Variants in MED12L observed in about 807,000 individuals in gnomAD.
MED12L encodes the protein mediator complex subunit 12L, also known as mediator of RNA polymerase II transcription subunit 12-like protein.
Under a neutral mutation model 281.3 loss-of-function variants are expected in MED12L, and 60 were observed. That is an observed-to-expected ratio of 0.21 (90% CI 0.17 to 0.26). The LOEUF (loss-of-function observed/expected upper bound fraction) is 0.26. Among genes scored for constraint, MED12L ranks in the 10% least tolerant of loss-of-function variants. MED12L has a pLI of 1.00. For missense variants in MED12L, 2,146 were observed against 2,680.9 expected, an observed-to-expected ratio of 0.80 and a Z score of 4.41; for synonymous variants, 974 against 987.2, an observed-to-expected ratio of 0.99 and a Z score of 0.25.
At chr3:151,356,283 T>C (rs1753911958) in intron 19 of MED12L, among the ~76,000 whole-genome samples, 2 of 152,010 alleles carry the variant, frequency 1.3e-5, no homozygotes, top group Non-Finnish European at 2.9e-5. Flanking sequence ...TCCCAGCTAC[T>C]TGGGAGGCTG....
intron 22 of MED12L, among the ~76,000 whole-genome samples, 179 bp from the exon 23 acceptor site, chr3:151,365,671 G>A (rs1037356291): frequency 2.0e-5 from 3 of 152,140 alleles, no homozygotes; most frequent in Non-Finnish European, 2.9e-5. Context: ...AATATTTGAA[G>A]CCATTGTTAT....
intron 2 of MED12L, among the ~76,000 whole-genome samples, chr3:151,089,319 A>G (rs1305909153): frequency 6.6e-6 from 1 of 152,168 alleles, no homozygotes; most frequent in Non-Finnish European, 1.5e-5. Context: ...TCATCTGTGT[A>G]TCGAAAACAA....
At position 151,355,979 on chromosome 3, in the gene MED12L, C is replaced by G. The variant is rs754468023; in HGVS notation, c.2601C>G (p.Leu867=). The part of the protein sequence containing the change: ...YHLPLAHHIQ[L]IFDLMEPALN... ...TCCCTTTGGCTCACCACATTCAGCT[C>G]ATCTTTGATCTCATGGAGCCAGCAC... Residue 867 remains leucine, a synonymous_variant, in exon 19 of 45, where the codon CTC becomes CTG. Coordinates refer to ENST00000687756, the MANE Select transcript of MED12L (RefSeq NM_001393769.1). 1.2e-6 allele frequency: 2 copies of G among 1,614,120 alleles called. No individual in the cohort carries two copies. Among genetic ancestry groups the G allele is most frequent in the East Asian group, 2.2e-5 (1 of 44,886 alleles).
intron 39 of MED12L, among the ~76,000 whole-genome samples, chr3:151,408,162 T>A (rs1162504923): frequency 6.6e-6 from 1 of 152,234 alleles, no homozygotes; most frequent in African/African-American, 2.4e-5. Context: ...GCTTAAGCTC[T>A]TTGAGCCTGG....
intron 27 of MED12L, 53 bp from the exon 28 acceptor site, chr3:151,375,973 A>ATATATATATATATC: frequency 1.1e-6 from 1 of 940,944 alleles, no homozygotes; most frequent in Non-Finnish European, 1.5e-6. Flanking sequence ...CATATTGCAT[A>ATATATATATATATC]TATATATACC....
intron 16 of MED12L, chr3:151,328,653 C>T: frequency 6.2e-7 from 1 of 1,613,844 alleles, no homozygotes. Context: ...GCTATGAGCC[C>T]TAACAGCACG....
Position 151,087,011 on chromosome 3 carries a change from C to G in MED12L, c.85C>G (p.Pro29Ala). 1.2e-6 allele frequency: 2 copies of G among 1,609,546 alleles called. No homozygotes were observed. The highest frequency in any genetic ancestry group is 1.7e-6 in the Non-Finnish European group (2 of 1,178,662). The change falls in exon 2 of 45, where the codon CCC (proline) becomes GCC (alanine). Residue 29 changes from proline (P) to alanine (A), a missense_variant. Coordinates refer to ENST00000687756, the MANE Select transcript of MED12L (RefSeq NM_001393769.1). The part of the protein sequence containing the change: ...LGPPDVYPQD[P>A]KQKEDELTAV... The stretch of plus-strand genomic sequence containing the variant: ...GCCGCCCGACGTCTACCCACAGGAC[C>G]CCAAGCAGAAGGAGGTAAGGGCGCC...
chr3:151,374,972 T>C (rs1756651246), intron 27 of MED12L, among the ~76,000 whole-genome samples: 1 of 152,238 alleles, frequency 6.6e-6, no homozygotes, highest in Admixed American at 6.5e-5. Context: ...TATTTTGTAC[T>C]TTGCTATAGG....
rs530317298 is a variant in MED12L at position 151,114,973 on chromosome 3, C to T, written c.100-1365C>T. ...TCTAGGATTTAGAAGATAGTATTTC[C>T]GTGCTGGCTTTGTCCAATTGCTGCA... On this transcript the variant is annotated intron_variant, in intron 2 of 44. Coordinates refer to ENST00000687756, the MANE Select transcript of MED12L (RefSeq NM_001393769.1). 1.1e-4 allele frequency among the ~76,000 whole-genome samples: 16 copies of T among 152,178 alleles called. 1 individual carries two copies. In the East Asian group the frequency reaches 1.5e-3, roughly 15 times the overall value.
At position 151,355,256 on chromosome 3, in the gene MED12L, G is replaced by A; in HGVS notation, c.2517+17G>A. 6.5e-7 allele frequency: 1 copy of A among 1,539,946 alleles called. No homozygotes were observed. Among genetic ancestry groups the A allele is most frequent in the South Asian group, 1.1e-5 (1 of 87,506 alleles). Reference sequence around the variant, plus strand: ...ACATCTCAGGTAGCTATTTAAAGCTGTTTATTATGCATTTGCAGTATTCTA... The same window carrying A: ...ACATCTCAGGTAGCTATTTAAAGCTATTTATTATGCATTTGCAGTATTCTA... On this transcript the variant is annotated intron_variant, in intron 18 of 44. Coordinates refer to ENST00000687756, the MANE Select transcript of MED12L (RefSeq NM_001393769.1).
intron 11 of MED12L, among the ~76,000 whole-genome samples, chr3:151,183,636 A>G (rs1437473269): frequency 6.6e-6 from 1 of 152,250 alleles, no homozygotes; most frequent in Non-Finnish European, 1.5e-5. Flanking sequence ...AGTAGATCTG[A>G]AGAAATCTGT....
chr3:151,184,428 T>G (rs1178684281), intron 11 of MED12L, among the ~76,000 whole-genome samples: 1 of 152,248 alleles, frequency 6.6e-6, no homozygotes, highest in Non-Finnish European at 1.5e-5. Flanking sequence ...TAGCCTGTAG[T>G]GCTAATGCTG....
chr3:151,105,198 A>T (rs994697097), intron 2 of MED12L, among the ~76,000 whole-genome samples: 1 of 152,026 alleles, frequency 6.6e-6, no homozygotes, highest in Non-Finnish European at 1.5e-5. Context: ...AGGAGCTTGA[A>T]CTTATCTGCC....
chr3:151,124,172 G>T (rs10935826), intron 4 of MED12L, among the ~76,000 whole-genome samples: 33,173 of 152,106 alleles, frequency 0.22, 4,154 homozygotes, highest in African/African-American at 0.35. Context: ...TTCCATTTAG[G>T]TTTTCTTTTT....
intron 16 of MED12L, among the ~76,000 whole-genome samples, chr3:151,270,324 A>T (rs917466904): frequency 6.6e-6 from 1 of 151,332 alleles, no homozygotes. Flanking sequence ...GGGGAAAATA[A>T]CTTGAGCAGA....
At chr3:151,119,435 T>G (rs919015426) in intron 3 of MED12L, among the ~76,000 whole-genome samples, 7 of 152,196 alleles carry the variant, frequency 4.6e-5, no homozygotes, top group African/African-American at 1.7e-4. Flanking sequence ...GACCACCTTC[T>G]CACTGTGTCT....
At chr3:151,287,443 G>A (rs974603398) in intron 16 of MED12L, among the ~76,000 whole-genome samples, 6 of 152,118 alleles carry the variant, frequency 3.9e-5, no homozygotes, top group Non-Finnish European at 5.9e-5. Flanking sequence ...TTGTTAATGG[G>A]AATGAAGAAA....
At chr3:151,260,454 G>A (rs7621113) in intron 16 of MED12L, among the ~76,000 whole-genome samples, 71,172 of 151,868 alleles carry the variant, frequency 0.47, 16,805 homozygotes, top group Middle Eastern at 0.65. Context: ...GGTTTAAGCA[G>A]TCCTCCCATA....
chr3:151,291,163 T>G (rs1488260624), intron 16 of MED12L, among the ~76,000 whole-genome samples: 26 of 140,676 alleles, frequency 1.8e-4, no homozygotes, highest in African/African-American at 5.2e-4. Context: ...TTTTTTTTTT[T>G]TTGTTTTTAT....
Sources: allele counts gnomAD v4.1 joint callset (sites outside exome capture counted in the v4.1 genomes callset), GRCh38; gene constraint gnomAD v4.1.1; transcripts MANE v1.5; gene names NCBI Gene and HGNC (gene_info 2026-07-23, HGNC 2026-07-21).